PLEKHA7: variants seen among roughly 807,000 people sequenced by gnomAD.
PLEKHA7 encodes pleckstrin homology domain-containing family A member 7.
A neutral mutation model predicts 170.0 loss-of-function variants in PLEKHA7; 104 were observed. The ratio of observed to expected loss-of-function variants is 0.61; its 90% confidence interval spans 0.52 to 0.72. The LOEUF (loss-of-function observed/expected upper bound fraction) is 0.72. Among genes scored for constraint, PLEKHA7 ranks in the 30% least tolerant of loss-of-function variants. PLEKHA7 has a pLI of 0.00. For synonymous variants in PLEKHA7, 648 were observed against 660.8 expected, an observed-to-expected ratio of 0.98 and a Z score of 0.30; for missense variants, 1,615 against 1,671.7, an observed-to-expected ratio of 0.97 and a Z score of 0.59.
At chr11:16,819,614 C>CA (rs994846868) in intron 10 of PLEKHA7, among the ~76,000 whole-genome samples, 13 of 152,226 alleles carry the variant, frequency 8.5e-5, no homozygotes, top group African/African-American at 3.1e-4. Flanking sequence ...CAACACTACT[C>CA]AAAGTGTGGC....
At chr11:16,811,486 G>A (rs536396943) in intron 13 of PLEKHA7, among the ~76,000 whole-genome samples, 1 of 152,182 alleles carries the variant, frequency 6.6e-6, no homozygotes, top group Non-Finnish European at 1.5e-5. Context: ...CGCAGGGCAG[G>A]TGGAGGCTGG....
chr11:16,849,844 C>T (rs1036245065), intron 8 of PLEKHA7, among the ~76,000 whole-genome samples: 2 of 152,158 alleles, frequency 1.3e-5, no homozygotes, highest in South Asian at 2.1e-4. Context: ...CCAGTATCAC[C>T]AATCCATAGC....
intron 3 of PLEKHA7, among the ~76,000 whole-genome samples, chr11:16,926,172 T>C (rs190408425): frequency 1.8e-4 from 27 of 152,346 alleles, no homozygotes; most frequent in African/African-American, 6.0e-4. Flanking sequence ...AAGCCAGGAA[T>C]GAAGACTTGG....
chr11:16,784,517 C>G (rs546825906), intron 24 of PLEKHA7, among the ~76,000 whole-genome samples: 1 of 152,294 alleles, frequency 6.6e-6, no homozygotes, highest in African/African-American at 2.4e-5. Context: ...CTACTGCTGG[C>G]CAGAGGAAAA....
chr11:16,857,406 T>C (rs1265026934), intron 4 of PLEKHA7, among the ~76,000 whole-genome samples: 1 of 152,226 alleles, frequency 6.6e-6, no homozygotes, highest in Non-Finnish European at 1.5e-5. Context: ...CCAGCCAGAC[T>C]TTTGTTGCTG....
At position 16,783,851 on chromosome 11, in the gene PLEKHA7, G is replaced by A; in HGVS notation, c.3517-18C>T. On this transcript the variant is annotated intron_variant, in intron 24 of 26. Coordinates refer to ENST00000531066, the MANE Select transcript of PLEKHA7 (RefSeq NM_001329630.2). Reference sequence around the variant, plus strand: ...TTGGACAGCTGGGGAGAGGCCAGGAGGTGGCAGAGGGAGAGGCTCAGATGT... The same window carrying A: ...TTGGACAGCTGGGGAGAGGCCAGGAAGTGGCAGAGGGAGAGGCTCAGATGT... 7.0e-7 allele frequency: 1 copy of A among 1,431,658 alleles called. No homozygotes were observed. The highest frequency in any genetic ancestry group is 9.1e-7 in the Non-Finnish European group (1 of 1,094,588). 88.7% of individuals were successfully genotyped at this position (1,431,658 alleles called of 1,614,324 possible).
intron 4 of PLEKHA7, among the ~76,000 whole-genome samples, chr11:16,869,348 G>T (rs746705047): frequency 3.9e-5 from 6 of 152,212 alleles, no homozygotes; most frequent in Non-Finnish European, 7.3e-5. Context: ...GGAACACCAC[G>T]CAAAGGCAGC....
At chr11:16,820,989 T>G (rs1850172857) in intron 10 of PLEKHA7, among the ~76,000 whole-genome samples, 1 of 152,192 alleles carries the variant, frequency 6.6e-6, no homozygotes, top group South Asian at 2.1e-4. Flanking sequence ...AGAGCAGCTT[T>G]GCCCCTAACA....
chr11:16,841,564 A>C lies in PLEKHA7; in HGVS notation c.855T>G (p.Ser285=). 1 of 1,613,664 alleles carries C rather than the reference A, an allele frequency of 6.2e-7. No individual in the cohort carries two copies. The highest frequency in any genetic ancestry group is 8.5e-7 in the Non-Finnish European group (1 of 1,180,000). Residue 285 remains serine (S), a synonymous_variant, in exon 9 of 27, where the codon TCT becomes TCG. Coordinates refer to ENST00000531066, the MANE Select transcript of PLEKHA7 (RefSeq NM_001329630.2). ...GAACTAACCTCTTCAGTGACGATCG[A>C]GACAGCACCTGTGCAGCCTGGTTCA... ...RAMNQAAQVL[S]RSSLKRDMEK...
intron 9 of PLEKHA7, among the ~76,000 whole-genome samples, chr11:16,831,450 G>A (rs570679325): frequency 1.8e-4 from 28 of 152,304 alleles, no homozygotes; most frequent in Non-Finnish European, 2.9e-4. Flanking sequence ...TATTACTCAG[G>A]CAGCTTGGCC....
chr11:16,867,347 C>T (rs553590414), intron 4 of PLEKHA7, among the ~76,000 whole-genome samples: 4 of 152,212 alleles, frequency 2.6e-5, no homozygotes, highest in Admixed American at 1.3e-4. Flanking sequence ...CTTTGAGAAC[C>T]GCTGCTCCAG....
chr11:16,781,554 C>T (rs1170572982), intron 26 of PLEKHA7, among the ~76,000 whole-genome samples: 1 of 152,166 alleles, frequency 6.6e-6, no homozygotes, highest in African/African-American at 2.4e-5. Context: ...TCTCCTGCAT[C>T]CCTAATCCCA....
intron 15 of PLEKHA7, 69 bp downstream of exon 15, chr11:16,802,903 T>A (rs894577164): frequency 3.1e-6 from 4 of 1,284,122 alleles, no homozygotes; most frequent in Non-Finnish European, 4.5e-6. Context: ...GGGTCCAGCC[T>A]ATGTCTCAAG....
intron 3 of PLEKHA7, among the ~76,000 whole-genome samples, chr11:16,926,423 T>G (rs1205108310): frequency 3.9e-5 from 6 of 152,302 alleles, no homozygotes; most frequent in East Asian, 3.9e-4. Flanking sequence ...CGTCCAAATA[T>G]TCACACATGC....
intron 3 of PLEKHA7, among the ~76,000 whole-genome samples, chr11:17,006,196 C>G (rs972649945): frequency 8.2e-6 from 1 of 122,512 alleles, no homozygotes; most frequent in Non-Finnish European, 2.0e-5. Context: ...CATGTGAAAC[C>G]CCGTCTCTAC....
intron 9 of PLEKHA7, among the ~76,000 whole-genome samples, chr11:16,830,594 T>C (rs1294571490): frequency 1.3e-5 from 2 of 152,202 alleles, no homozygotes; most frequent in Non-Finnish European, 2.9e-5. Flanking sequence ...TGAGAGGAAA[T>C]GAAGGATTCT....
intron 3 of PLEKHA7, among the ~76,000 whole-genome samples, chr11:16,990,287 A>AAAAAAAAAAAAAAAAAAACC (rs1554992439): frequency 9.0e-6 from 1 of 111,248 alleles, no homozygotes; most frequent in Non-Finnish European, 1.8e-5. Flanking sequence ...AAAAAAAAAA[A>AAAAAAAAAAAAAAAAAAACC]AAAAAAAAAA....
intron 19 of PLEKHA7, among the ~76,000 whole-genome samples, chr11:16,792,645 T>C (rs536912166): frequency 6.6e-6 from 1 of 152,238 alleles, no homozygotes; most frequent in Non-Finnish European, 1.5e-5. Flanking sequence ...TTCTGGTTGC[T>C]GGCAGTGTTC....
intron 3 of PLEKHA7, among the ~76,000 whole-genome samples, chr11:16,961,104 A>G (rs759745986): frequency 1.4e-4 from 21 of 152,166 alleles, no homozygotes; most frequent in Admixed American, 9.8e-4. Context: ...CCTCCTCATT[A>G]TCAGCTTTTT....
Sources: allele counts gnomAD v4.1 joint callset (sites outside exome capture counted in the v4.1 genomes callset), GRCh38; gene constraint gnomAD v4.1.1; transcripts MANE v1.5; gene names NCBI Gene and HGNC (gene_info 2026-07-23, HGNC 2026-07-21).